TBL1XR1: variants seen among roughly 807,000 people sequenced by gnomAD.
TBL1XR1 encodes F-box-like/WD repeat-containing protein TBL1XR1.
TBL1XR1 carries 5 observed loss-of-function variants against 66.9 expected under a neutral mutation model. The observed-to-expected ratio is 0.07, with a 90% CI of 0.04 to 0.16. TBL1XR1 has a LOEUF of 0.16. Among genes scored for constraint, TBL1XR1 ranks in the 10% least tolerant of loss-of-function variants. TBL1XR1 has a pLI of 1.00. For missense variants in TBL1XR1, 238 were observed against 623.2 expected, an observed-to-expected ratio of 0.38 and a Z score of 6.58; for synonymous variants, 210 against 206.0, an observed-to-expected ratio of 1.02 and a Z score of -0.17.
intron 2 of TBL1XR1, among the ~76,000 whole-genome samples, chr3:177,091,606 G>C (rs542670368): frequency 1.4e-3 from 212 of 152,132 alleles, no homozygotes; most frequent in Non-Finnish European, 2.5e-3. Context: ...ACTTGAAAAG[G>C]CTCTTTTGGC....
chr3:177,193,890 C>A (rs1736484193), intron 1 of TBL1XR1, among the ~76,000 whole-genome samples: 1 of 152,180 alleles, frequency 6.6e-6, no homozygotes, highest in African/African-American at 2.4e-5. Flanking sequence ...GAATTAACTT[C>A]TTTGCATCTC....
At chr3:177,074,816 C>T (rs1159738185) in intron 2 of TBL1XR1, among the ~76,000 whole-genome samples, 1 of 152,146 alleles carries the variant, frequency 6.6e-6, no homozygotes, top group Non-Finnish European at 1.5e-5. Context: ...ACAATAAAGA[C>T]ATAAATACAT....
intron 2 of TBL1XR1, among the ~76,000 whole-genome samples, chr3:177,080,626 T>A (rs902812367): frequency 9.2e-5 from 14 of 151,984 alleles, no homozygotes; most frequent in African/African-American, 3.4e-4. Flanking sequence ...AAAGAAAAAA[T>A]ATATATTTTT....
intron 1 of TBL1XR1, among the ~76,000 whole-genome samples, chr3:177,119,868 G>A (rs939954296): frequency 2.6e-5 from 4 of 152,142 alleles, no homozygotes; most frequent in Non-Finnish European, 4.4e-5. Context: ...TTATTGTAAT[G>A]CAACCACTGC....
At chr3:177,126,566 C>T (rs1174314303) in intron 1 of TBL1XR1, among the ~76,000 whole-genome samples, 1 of 152,124 alleles carries the variant, frequency 6.6e-6, no homozygotes, top group Non-Finnish European at 1.5e-5. Flanking sequence ...CTAGAAATAA[C>T]TGCTTATTCC....
At chr3:177,070,669 C>T (rs531724843) in intron 2 of TBL1XR1, among the ~76,000 whole-genome samples, 26 of 151,962 alleles carry the variant, frequency 1.7e-4, no homozygotes, top group African/African-American at 5.8e-4. Flanking sequence ...GCCAACGTGG[C>T]GAAACCCCAT....
chr3:177,113,034 T>C (rs988245179), intron 1 of TBL1XR1, among the ~76,000 whole-genome samples: 4 of 150,112 alleles, frequency 2.7e-5, no homozygotes, highest in East Asian at 2.0e-4. Flanking sequence ...CGGAATAGAA[T>C]AGAGAGAACC....
chr3:177,146,138 G>A (rs1299592890), intron 1 of TBL1XR1, among the ~76,000 whole-genome samples: 1 of 152,146 alleles, frequency 6.6e-6, no homozygotes, highest in African/African-American at 2.4e-5. Flanking sequence ...GCTTAGTTCA[G>A]TACCTGATAT....
chr3:177,038,074 A>G (rs1334169555), intron 12 of TBL1XR1, 24 bp downstream of exon 12: 2 of 1,609,810 alleles, frequency 1.2e-6, no homozygotes, highest in African/African-American at 1.3e-5. Flanking sequence ...CCGCCAACCC[A>G]TTTCTCCCTA....
At chr3:177,114,135 C>T (rs568729878) in intron 1 of TBL1XR1, among the ~76,000 whole-genome samples, 1 of 152,098 alleles carries the variant, frequency 6.6e-6, no homozygotes, top group Admixed American at 6.5e-5. Context: ...TGTGCTCTTA[C>T]CACAAAATGG....
chr3:177,158,186 C>T (rs866252073), intron 1 of TBL1XR1, among the ~76,000 whole-genome samples: 3 of 120,686 alleles, frequency 2.5e-5, no homozygotes, highest in Non-Finnish European at 5.4e-5. Flanking sequence ...ACAAAAAAAA[C>T]CCTGCTGCAA....
At chr3:177,056,764 TC>T (rs10716723) in intron 3 of TBL1XR1, among the ~76,000 whole-genome samples, 150,542 of 152,204 alleles carry the variant, frequency 0.99, 74,455 homozygotes, top group East Asian at 1. Flanking sequence ...TCTCTCTCGG[TC>T]CCTTGGCATT....
chr3:177,189,883 G>C (rs1176614059), intron 1 of TBL1XR1, among the ~76,000 whole-genome samples: 2 of 152,002 alleles, frequency 1.3e-5, no homozygotes, highest in Non-Finnish European at 2.9e-5. Context: ...AGTGCAGTCA[G>C]AATGCTGTAA....
chr3:177,039,464 A>T (rs1215017183), intron 10 of TBL1XR1, among the ~76,000 whole-genome samples: 1 of 152,236 alleles, frequency 6.6e-6, no homozygotes, highest in Non-Finnish European at 1.5e-5. Context: ...ACTTTTGCCA[A>T]ATACCTCTTA....
rs7646809 is a variant in TBL1XR1, at chr3:177,186,737, A to C, written c.-122+10384T>G. 8.3e-3 allele frequency among the ~76,000 whole-genome samples: 1,266 copies of C among 152,274 alleles called. 20 individuals are homozygous for C. Among genetic ancestry groups the C allele is most frequent in the African/African-American group, 0.029 (1,217 of 41,540 alleles). On this transcript the variant is annotated intron_variant, in intron 1 of 15. Transcript: ENST00000457928. The stretch of plus-strand genomic sequence containing the variant: ...ACTCTATGAAAGGCTGTAGATTTTT[A>C]GTACTTAAATACTCTAAAAAAAATT...
Position 177,072,901 on chromosome 3 carries a change from TA to T in TBL1XR1, c.-45-7880del, listed in dbSNP as rs1263939229. Among the ~76,000 whole-genome samples the T allele has an allele frequency of 2.0e-4, 30 of 152,008 alleles. 1 individual carries two copies. On this transcript the variant is annotated intron_variant, in intron 2 of 15. Transcript: ENST00000457928. ...CAACATGGCGAAACCCTGTCTCTATTAAAAATACAAAAATTAGCCAGGTGTG... is the reference window on the plus strand; with the variant it reads ...CAACATGGCGAAACCCTGTCTCTATTAAAATACAAAAATTAGCCAGGTGTG...
At chr3:177,100,123 T>G (rs1724009549) in intron 1 of TBL1XR1, among the ~76,000 whole-genome samples, 1 of 151,986 alleles carries the variant, frequency 6.6e-6, no homozygotes, top group Admixed American at 6.5e-5. Flanking sequence ...GCTGTGGTCC[T>G]AGCTACTCGG....
intron 10 of TBL1XR1, among the ~76,000 whole-genome samples, chr3:177,038,882 AG>A (rs1715182122): frequency 6.6e-6 from 1 of 152,218 alleles, no homozygotes; most frequent in Non-Finnish European, 1.5e-5. Flanking sequence ...TCTTTAGATA[AG>A]GGTAACATGC....
intron 1 of TBL1XR1, among the ~76,000 whole-genome samples, chr3:177,177,112 C>T (rs1221638337): frequency 6.6e-6 from 1 of 152,174 alleles, no homozygotes; most frequent in Non-Finnish European, 1.5e-5. Flanking sequence ...CTTTTGGATT[C>T]CATATGCCAA....
Sources: gnomAD v4.1 joint callset for allele counts (sites outside exome capture counted in the v4.1 genomes callset) on GRCh38, gnomAD v4.1.1 for gene constraint, MANE v1.5 for transcripts, NCBI Gene and HGNC (gene_info 2026-07-23, HGNC 2026-07-21) for gene names.